Variants in FBXL7 observed in about 807,000 individuals in gnomAD.
FBXL7 encodes F-box/LRR-repeat protein 7.
FBXL7 carries 12 observed loss-of-function variants against 38.3 expected under a neutral mutation model. The observed-to-expected ratio is 0.31, with a 90% CI of 0.20 to 0.51. FBXL7 has a LOEUF of 0.51. Ranked by LOEUF, FBXL7 falls within the 20% of genes least tolerant of loss-of-function variation. FBXL7 has a pLI of 0.98. For missense variants in FBXL7, 567 were observed against 676.4 expected (o/e 0.84, Z 1.79); for synonymous variants, 297 against 300.9 (o/e 0.99, Z 0.13).
chr5:15,528,269 A>G (rs1009871710), intron 1 of FBXL7, among the ~76,000 whole-genome samples: 1 of 152,206 alleles, frequency 6.6e-6, no homozygotes, highest in Non-Finnish European at 1.5e-5. Context: ...TACGTAGGAT[A>G]TAAGTCCCTT....
At chr5:15,637,741 C>T (rs1244693735) in intron 2 of FBXL7, among the ~76,000 whole-genome samples, 1 of 152,170 alleles carries the variant, frequency 6.6e-6, no homozygotes, top group Non-Finnish European at 1.5e-5. Flanking sequence ...ATAATTTGCA[C>T]AGAATCATAC....
At chr5:15,841,429 G>A (rs1447147036) in intron 2 of FBXL7, among the ~76,000 whole-genome samples, 1 of 151,840 alleles carries the variant, frequency 6.6e-6, no homozygotes, top group African/African-American at 2.4e-5. Flanking sequence ...AACATAAATA[G>A]AAAAAAATGA....
chr5:15,736,574 A>G (rs1339809422), intron 2 of FBXL7, among the ~76,000 whole-genome samples: 1 of 152,240 alleles, frequency 6.6e-6, no homozygotes, highest in Non-Finnish European at 1.5e-5. Flanking sequence ...TTCTAAGTGC[A>G]AAAGTATTAA....
intron 2 of FBXL7, among the ~76,000 whole-genome samples, chr5:15,644,287 C>T (rs565992764): frequency 2.7e-5 from 4 of 146,144 alleles, no homozygotes; most frequent in Admixed American, 2.1e-4. Flanking sequence ...GGAGAAACCC[C>T]GTCTCTACTA....
intron 2 of FBXL7, among the ~76,000 whole-genome samples, chr5:15,671,357 A>T (rs1742466298): frequency 6.6e-6 from 1 of 152,142 alleles, no homozygotes; most frequent in Non-Finnish European, 1.5e-5. Flanking sequence ...TGAGCACTGG[A>T]TATTTTCTCT....
At chr5:15,930,361 G>A (rs910544522) in intron 3 of FBXL7, among the ~76,000 whole-genome samples, 1 of 152,120 alleles carries the variant, frequency 6.6e-6, no homozygotes, top group Non-Finnish European at 1.5e-5. Flanking sequence ...TCTAAGAATT[G>A]GAGCATTTTA....
intron 2 of FBXL7, among the ~76,000 whole-genome samples, chr5:15,819,539 A>G (rs1343624659): frequency 6.6e-6 from 1 of 152,336 alleles, no homozygotes; most frequent in South Asian, 2.1e-4. Context: ...AAAATGAAAG[A>G]ATACCTTTTT....
chr5:15,912,431 C>G (rs1741459551), intron 2 of FBXL7, among the ~76,000 whole-genome samples: 1 of 146,156 alleles, frequency 6.8e-6, no homozygotes, highest in Non-Finnish European at 1.5e-5. Context: ...GTCTGGCACT[C>G]CCTAGTGAGA....
rs771699482 is a variant in FBXL7, at chr5:15,928,092, G to T, written c.330G>T (p.Glu110Asp). Residue 110 changes from glutamate (E) to aspartate (D), a missense_variant, in exon 3 of 4, where the codon GAG becomes GAT. Physicochemically the swap from Glu to Asp is conservative, Grantham distance 45. Coordinates refer to ENST00000504595, the MANE Select transcript of FBXL7 (RefSeq NM_012304.5). This position sits in a 1 kb window ranked among gnomAD's most constrained non-coding sequence, Gnocchi z 4.0. ...GGCTCGCCTCCAGACCCCAGAAGGAGCAGGCCAGCATAGACCGGCTCCCGG... is the reference window on the plus strand; with the variant it reads ...GGCTCGCCTCCAGACCCCAGAAGGATCAGGCCAGCATAGACCGGCTCCCGG... ...LIRLASRPQK[E>D]QASIDRLPDH... 1.2e-6 allele frequency: 2 copies of T among 1,609,658 alleles called. No individual in the cohort carries two copies. The highest frequency in any genetic ancestry group is 2.2e-5 in the South Asian group (2 of 90,834).
intron 2 of FBXL7, among the ~76,000 whole-genome samples, chr5:15,651,755 G>T (rs187726478): frequency 2.5e-4 from 38 of 152,316 alleles, no homozygotes; most frequent in Admixed American, 9.8e-4. Flanking sequence ...AAAGCCACCA[G>T]CTACATTGGC....
intron 2 of FBXL7, among the ~76,000 whole-genome samples, chr5:15,736,112 T>G (rs1735741445): frequency 6.6e-6 from 1 of 152,360 alleles, no homozygotes; most frequent in Admixed American, 6.5e-5. Context: ...AGATAATTTA[T>G]GTGAACTTTT....
At chr5:15,548,131 A>G (rs954345225) in intron 1 of FBXL7, among the ~76,000 whole-genome samples, 1 of 152,310 alleles carries the variant, frequency 6.6e-6, no homozygotes, top group South Asian at 2.1e-4. Flanking sequence ...CTAATATTTC[A>G]TTAACTGATC....
intron 2 of FBXL7, among the ~76,000 whole-genome samples, chr5:15,870,631 T>G (rs1739914093): frequency 6.6e-6 from 1 of 152,210 alleles, no homozygotes. Context: ...AGTTTTTCTA[T>G]CACATTTTTA....
intron 2 of FBXL7, among the ~76,000 whole-genome samples, chr5:15,830,485 A>ACACAT (rs1554024729): frequency 6.9e-6 from 1 of 144,192 alleles, no homozygotes; most frequent in Non-Finnish European, 1.5e-5. Flanking sequence ...CTCCATCTAA[A>ACACAT]ACACACACAC....
At chr5:15,914,354 C>A (rs1741526344) in intron 2 of FBXL7, among the ~76,000 whole-genome samples, 1 of 147,370 alleles carries the variant, frequency 6.8e-6, no homozygotes, top group South Asian at 2.2e-4. Context: ...CCACTGCACT[C>A]CAGCCTGGGC....
intron 1 of FBXL7, among the ~76,000 whole-genome samples, chr5:15,545,128 T>G (rs1737862997): frequency 6.6e-6 from 1 of 152,222 alleles, no homozygotes; most frequent in African/African-American, 2.4e-5. Flanking sequence ...AGCTTATTTC[T>G]TCTGACTCCA....
intron 2 of FBXL7, among the ~76,000 whole-genome samples, chr5:15,626,773 G>A (rs1740835132): frequency 6.6e-6 from 1 of 152,048 alleles, no homozygotes; most frequent in Non-Finnish European, 1.5e-5. Flanking sequence ...ACTAATCATT[G>A]TATTTCAGCC....
chr5:15,553,263 C>T (rs73754136), intron 1 of FBXL7, among the ~76,000 whole-genome samples: 294 of 152,312 alleles, frequency 1.9e-3, no homozygotes, highest in African/African-American at 6.7e-3. Context: ...CATATGCCTT[C>T]TCTCCTAGGA....
intron 2 of FBXL7, among the ~76,000 whole-genome samples, chr5:15,722,079 C>T (rs945187450): frequency 1.8e-4 from 27 of 152,288 alleles, no homozygotes; most frequent in African/African-American, 6.3e-4. Flanking sequence ...ATGATCTGCC[C>T]GCCTTGGCCT....
Sources: gnomAD v4.1 joint callset for allele counts (sites outside exome capture counted in the v4.1 genomes callset) on GRCh38, gnomAD v4.1.1 for gene constraint, Gnocchi (gnomAD v3.1) non-coding constraint, MANE v1.5 for transcripts, NCBI Gene and HGNC (gene_info 2026-07-23, HGNC 2026-07-21) for gene names.